The following PGM2 variants were observed in gnomAD, a reference collection of about 807,000 sequenced individuals.
PGM2 encodes phosphopentomutase.
Under a neutral mutation model 74.6 loss-of-function variants are expected in PGM2, and 57 were observed. That is an observed-to-expected ratio of 0.76 (90% CI 0.62 to 0.95). The LOEUF (loss-of-function observed/expected upper bound fraction) is 0.95, where lower values mean the gene tolerates loss of function less well. PGM2 is among the 40% of genes least tolerant of loss of function. The pLI is 0.00. For synonymous variants in PGM2, 273 were observed against 260.7 expected (o/e 1.05, Z -0.46); for missense variants, 706 against 741.9 (o/e 0.95, Z 0.56).
chr4:37,826,955 C>A, intron 1 of PGM2, 142 bp downstream of exon 1: 1 of 583,924 alleles, frequency 1.7e-6, no homozygotes, highest in Non-Finnish European at 3.0e-6. Flanking sequence ...CAGGAGCGTA[C>A]GGCCGCTGCT....
In PGM2 at chr4:37,845,644, T is replaced by C. The variant is rs1725850101; in HGVS notation, c.921T>C (p.Phe307=). The C allele has an allele frequency of 1.2e-6, 2 of 1,607,322 alleles. No homozygotes were observed. The highest frequency in any genetic ancestry group is 1.7e-5 in the Admixed American group (1 of 60,002). The part of the protein sequence containing the change: ...EEGKGVLTLS[F]ALADKTKARI... Reference sequence around the variant, plus strand: ...ATATTCTTCTTCAGACTTTGTCTTTTGCTTTGGCTGACAAAACCAAGGCCA... The same window carrying C: ...ATATTCTTCTTCAGACTTTGTCTTTCGCTTTGGCTGACAAAACCAAGGCCA... Residue 307 remains phenylalanine, a synonymous_variant, in exon 8 of 14, where the codon TTT becomes TTC. Coordinates refer to ENST00000381967, the MANE Select transcript of PGM2 (RefSeq NM_018290.4).
At position 37,854,684 on chromosome 4, in the gene PGM2, C is replaced by CA. The variant is rs1290703249; in HGVS notation, c.1603-916dup. On this transcript the variant is annotated intron_variant, in intron 12 of 13. Transcript: ENST00000381967. ...GGAAGCTTTATTTAAAAAAAAAAAA[C>CA]AAAAAAAACTCCTTATGGAATTTTC... 4.7e-5 allele frequency among the ~76,000 whole-genome samples: 7 copies of CA among 148,244 alleles called. No individual in the cohort carries two copies. In the South Asian group the frequency reaches 6.4e-4, roughly 13 times the overall value.
intron 10 of PGM2, 155 bp downstream of exon 10, chr4:37,847,450 A>C: frequency 5.1e-6 from 3 of 587,706 alleles, no homozygotes; most frequent in Admixed American, 3.1e-5. Context: ...TTGACATCTC[A>C]GATGATTTAC....
intron 12 of PGM2, among the ~76,000 whole-genome samples, chr4:37,851,781 A>C (rs1487417657): frequency 6.6e-6 from 1 of 152,096 alleles, no homozygotes; most frequent in Non-Finnish European, 1.5e-5. Flanking sequence ...CGCTTTCTAC[A>C]TTCAATAATT....
In PGM2 at chr4:37,845,664, A is replaced by G; in HGVS notation, c.941A>G (p.Lys314Arg). The part of the protein sequence containing the change: ...TLSFALADKT[K>R]ARIVLANDPD... ...TCTTTTGCTTTGGCTGACAAAACCA[A>G]GGCCAGAATTGTTTTAGCTAACGAC... is the stretch of plus-strand genomic sequence containing the variant. Residue 314 changes from lysine (K) to arginine (R), a missense_variant, in exon 8 of 14, where the codon AAG becomes AGG. This residue lies in a region of PGM2 where 359 missense variants were observed against 371.1 expected (regional missense o/e 0.97). Transcript: ENST00000381967. 1 of 1,613,276 alleles carries G rather than the reference A, an allele frequency of 6.2e-7. No individual in the cohort carries two copies. The highest frequency in any genetic ancestry group is 8.5e-7 in the Non-Finnish European group (1 of 1,179,236).
intron 11 of PGM2, among the ~76,000 whole-genome samples, chr4:37,848,867 C>T (rs888263438): frequency 6.6e-6 from 1 of 151,886 alleles, no homozygotes; most frequent in Non-Finnish European, 1.5e-5. Flanking sequence ...GTCAGGAGTT[C>T]GAGACCAGCC....
rs1711805768 is a variant in PGM2, at chr4:37,862,305, T to G, written c.*693T>G. 1 of 152,184 alleles carries G rather than the reference T, an allele frequency of 6.6e-6. No individual in the cohort carries two copies. Among genetic ancestry groups the G allele is most frequent in the Non-Finnish European group, 1.5e-5 (1 of 68,018 alleles). The allele number at this position is 152,184 out of a possible 1,614,324, so 9.4% of individuals were successfully genotyped here. A position where few individuals can be genotyped will look rare whatever the true frequency, so the allele number is the denominator to read the frequency against. ...ATCTTTTTAAATCTTGAAAAACCAA[T>G]TGTTTACTTGAAACTTGAAAGTAGC... is the stretch of plus-strand genomic sequence containing the variant. On this transcript the variant is annotated 3_prime_UTR_variant, in exon 14 of 14. Transcript: ENST00000381967.
chr4:37,843,495 TCTC>T (rs1447133301), intron 6 of PGM2, among the ~76,000 whole-genome samples: 16 of 152,154 alleles, frequency 1.1e-4, no homozygotes, highest in African/African-American at 3.9e-4. Flanking sequence ...TTCTGTAACT[TCTC>T]CTGTTAATTT....
chr4:37,828,394 C>T (rs936898015), intron 1 of PGM2, among the ~76,000 whole-genome samples: 3 of 149,598 alleles, frequency 2.0e-5, no homozygotes, highest in Middle Eastern at 3.4e-3. Flanking sequence ...CTGTTAATTT[C>T]TTCTTTGCTT....
At chr4:37,850,418 C>T (rs752821027) in intron 12 of PGM2, 45 bp downstream of exon 12, 1 of 1,083,676 alleles carries the variant, frequency 9.2e-7, no homozygotes. Flanking sequence ...TTCTATTTAC[C>T]TTTTAAAATA....
chr4:37,832,933 A>G (rs537787961), intron 2 of PGM2, among the ~76,000 whole-genome samples: 2 of 152,070 alleles, frequency 1.3e-5, no homozygotes, highest in East Asian at 1.9e-4. Context: ...TCCCTTGGCC[A>G]TTCTTTCAGG....
intron 10 of PGM2, among the ~76,000 whole-genome samples, chr4:37,847,965 G>A (rs552339909): frequency 3.9e-5 from 6 of 152,216 alleles, no homozygotes; most frequent in South Asian, 4.1e-4. Flanking sequence ...AAGCATAATC[G>A]CTCAGGTTCT....
At chr4:37,859,794 G>A (rs907229716) in intron 13 of PGM2, among the ~76,000 whole-genome samples, 7 of 152,076 alleles carry the variant, frequency 4.6e-5, no homozygotes, top group African/African-American at 1.7e-4. Flanking sequence ...TTTTCATGAT[G>A]ATTAGAGAAA....
At position 37,851,961 on chromosome 4, in the gene PGM2, G is replaced by GTTTTCTTTCTTTTTTT. The variant is rs1430228977; in HGVS notation, c.1602+1591_1602+1592insTCTTTCTTTTTTTTTT. ...ATTGTATTTCCTGTACCTTTTGTTTGTTTGTTTTCTTTTTTTTTGGAGACA... is the reference window on the plus strand; with the variant it reads ...ATTGTATTTCCTGTACCTTTTGTTTGTTTTCTTTCTTTTTTTTTTGTTTTCTTTTTTTTTGGAGACA... On this transcript the variant is annotated intron_variant, in intron 12 of 13. Coordinates refer to ENST00000381967, the MANE Select transcript of PGM2 (RefSeq NM_018290.4). 1.7e-4 allele frequency among the ~76,000 whole-genome samples: 23 copies of GTTTTCTTTCTTTTTTT among 135,332 alleles called. 5 individuals are homozygous for GTTTTCTTTCTTTTTTT. The highest frequency in any genetic ancestry group is 1.7e-4 in the African/African-American group (6 of 35,518). 88.8% of individuals were successfully genotyped at this position (135,332 alleles called of 152,430 possible).
intron 1 of PGM2, 146 bp downstream of exon 1, chr4:37,826,959 C>A (rs1725309406): frequency 3.5e-6 from 2 of 576,356 alleles, no homozygotes; most frequent in African/African-American, 2.0e-5. Flanking sequence ...AGCGTACGGC[C>A]GCTGCTAGGC....
chr4:37,856,457 TAGACAG>T (rs1726202263), intron 13 of PGM2, among the ~76,000 whole-genome samples: 1 of 152,172 alleles, frequency 6.6e-6, no homozygotes, highest in African/African-American at 2.4e-5. Context: ...GTACCCATTG[TAGACAG>T]GTCTGTGCTG....
At chr4:37,849,751 C>T (rs1287956141) in intron 11 of PGM2, among the ~76,000 whole-genome samples, 7 of 151,682 alleles carry the variant, frequency 4.6e-5, no homozygotes, top group Non-Finnish European at 8.8e-5. Context: ...ATTCCTTTGG[C>T]GTCAGTTTTG....
chr4:37,839,982 A>G (rs1230987125), intron 5 of PGM2, 51 bp downstream of exon 5: 2 of 1,493,980 alleles, frequency 1.3e-6, no homozygotes, highest in South Asian at 1.1e-5. Flanking sequence ...GGAATCCTGT[A>G]TCTGTAATTT....
At chr4:37,854,217 A>C (rs1417301520) in intron 12 of PGM2, among the ~76,000 whole-genome samples, 1 of 152,178 alleles carries the variant, frequency 6.6e-6, no homozygotes, top group Non-Finnish European at 1.5e-5. Flanking sequence ...TGCTATTCAA[A>C]GTACCTCTAT....
Sources: allele counts gnomAD v4.1 joint callset (sites outside exome capture counted in the v4.1 genomes callset), GRCh38; gene constraint gnomAD v4.1.1; regional missense constraint gnomAD v4.1.1; transcripts MANE v1.5; gene names NCBI Gene and HGNC (gene_info 2026-07-23, HGNC 2026-07-21).